TRAPPC9: variants seen among roughly 807,000 people sequenced by gnomAD.
TRAPPC9 encodes IKK2 binding protein.
A neutral mutation model predicts 124.0 loss-of-function variants in TRAPPC9; 83 were observed. The observed-to-expected ratio is 0.67, with a 90% CI of 0.56 to 0.80. The LOEUF (loss-of-function observed/expected upper bound fraction) is 0.80, where lower values mean the gene tolerates loss of function less well. Among genes scored for constraint, TRAPPC9 ranks in the 30% least tolerant of loss-of-function variants. TRAPPC9 has a pLI of 0.00. For missense variants in TRAPPC9, 1,302 were observed against 1,508.3 expected (o/e 0.86, Z 2.27); for synonymous variants, 638 against 617.5 (o/e 1.03, Z -0.49).
At chr8:139,747,247 T>G (rs1041223263) in intron 21 of TRAPPC9, among the ~76,000 whole-genome samples, 1 of 152,118 alleles carries the variant, frequency 6.6e-6, no homozygotes, top group African/African-American at 2.4e-5. Flanking sequence ...CATCACACAA[T>G]GCCAACCCAG....
chr8:139,984,119 G>A lies in TRAPPC9; in HGVS notation c.2810+4607C>T, dbSNP rs971477767. Among the ~76,000 whole-genome samples, 4 of 152,144 alleles carry A rather than the reference G, an allele frequency of 2.6e-5. No homozygotes were observed. The highest frequency in any genetic ancestry group is 9.7e-5 in the African/African-American group (4 of 41,440). On this transcript the variant is annotated intron_variant, in intron 19 of 22. Coordinates refer to ENST00000438773, the MANE Select transcript of TRAPPC9 (RefSeq NM_001160372.4). The surrounding 1 kb of genome is among the most constrained non-coding windows in gnomAD (Gnocchi z 4.3). ...TACTAGGAGGGAGGAGAGGCGGCAG[G>A]CACCACAATTATCTAACTGGGGTTG...
chr8:139,786,891 AG>A lies in TRAPPC9; in HGVS notation c.3056-54690del, dbSNP rs533035722. On this transcript the variant is annotated intron_variant, in intron 21 of 22. Coordinates refer to ENST00000438773, the MANE Select transcript of TRAPPC9 (RefSeq NM_001160372.4). ...GTCAGTGATCGGAGGGGAAGGTGTC[AG>A]GGAGGGTCAGAAAGGAGCAGGAGGG... Among the ~76,000 whole-genome samples, 26 of 152,328 alleles carry A rather than the reference AG, an allele frequency of 1.7e-4. No individual in the cohort carries two copies. In the East Asian group the frequency reaches 5.0e-3, roughly 29 times the overall value.
At chr8:140,156,196 C>T (rs535970574) in intron 17 of TRAPPC9, among the ~76,000 whole-genome samples, 88 of 152,364 alleles carry the variant, frequency 5.8e-4, no homozygotes, top group African/African-American at 2.1e-3. Flanking sequence ...CCACCTGCTT[C>T]GTGTAGCCTA....
chr8:140,433,614 A>C (rs1308022960), intron 4 of TRAPPC9, among the ~76,000 whole-genome samples: 1 of 152,118 alleles, frequency 6.6e-6, no homozygotes, highest in Non-Finnish European at 1.5e-5. Flanking sequence ...ACAACAACAA[A>C]AACACACATA....
chr8:140,124,730 C>CCTCCGAGGGGAGGACG (rs879415757), intron 17 of TRAPPC9, among the ~76,000 whole-genome samples: 4,013 of 152,024 alleles, frequency 0.026, 171 homozygotes, highest in African/African-American at 0.09. Flanking sequence ...AGGGGAGGAC[C>CCTCCGAGGGGAGGACG]AAAATCACTC....
intron 19 of TRAPPC9, among the ~76,000 whole-genome samples, chr8:139,976,372 T>C (rs2319587): frequency 0.097 from 14,706 of 152,216 alleles, 1,197 homozygotes; most frequent in African/African-American, 0.23. Flanking sequence ...CCATGGATTA[T>C]GCAGAGGCTT....
At chr8:139,755,510 A>C (rs1819672533) in intron 21 of TRAPPC9, among the ~76,000 whole-genome samples, 2 of 138,060 alleles carry the variant, frequency 1.4e-5, no homozygotes, top group South Asian at 2.5e-4. Context: ...GTATAAGGAC[A>C]GCAGGTCGCA....
At chr8:140,091,195 T>G (rs1310188699) in intron 17 of TRAPPC9, among the ~76,000 whole-genome samples, 1 of 152,186 alleles carries the variant, frequency 6.6e-6, no homozygotes, top group Non-Finnish European at 1.5e-5. Context: ...GCCCCATGCA[T>G]GTCGCTGCAG....
At chr8:139,998,272 AGTC>A (rs1350145018) in intron 18 of TRAPPC9, among the ~76,000 whole-genome samples, 4 of 152,258 alleles carry the variant, frequency 2.6e-5, no homozygotes, top group Non-Finnish European at 4.4e-5. Context: ...TAAGAATCTC[AGTC>A]ATCAGTAGAA....
At chr8:140,129,853 G>A (rs1281959703) in intron 17 of TRAPPC9, among the ~76,000 whole-genome samples, 2 of 152,216 alleles carry the variant, frequency 1.3e-5, no homozygotes, top group Non-Finnish European at 2.9e-5. Flanking sequence ...GTAAATGCAC[G>A]TGTACGCATG....
chr8:139,771,868 AGCCTGACTCAGT>A (rs1302835297), intron 21 of TRAPPC9, among the ~76,000 whole-genome samples: 13 of 152,192 alleles, frequency 8.5e-5, no homozygotes, highest in Admixed American at 6.5e-5. Flanking sequence ...ACAACACAGG[AGCCTGACTCAGT>A]GCCCACAGCC....
In TRAPPC9 at chr8:139,984,692, T is replaced by A. The variant is rs1487748764; in HGVS notation, c.2810+4034A>T. ...CCCCTCCACGGAGGCCGAGTGTGCA[T>A]CTGACCCACAGGAGGCCGGTGAGGC... On this transcript the variant is annotated intron_variant, in intron 19 of 22. Transcript: ENST00000438773. The surrounding 1 kb of genome is among the most constrained non-coding windows in gnomAD (Gnocchi z 4.3). 6.6e-6 allele frequency among the ~76,000 whole-genome samples: 1 copy of A among 152,034 alleles called. No individual in the cohort carries two copies. The highest frequency in any genetic ancestry group is 1.5e-5 in the Non-Finnish European group (1 of 67,998).
intron 17 of TRAPPC9, among the ~76,000 whole-genome samples, chr8:140,138,031 T>G (rs1382896268): frequency 6.6e-6 from 1 of 152,238 alleles, no homozygotes; most frequent in Non-Finnish European, 1.5e-5. Flanking sequence ...CCGGGTGCAC[T>G]GGCTCACGCC....
At position 139,991,592 on chromosome 8, in the gene TRAPPC9, T is replaced by G. The variant is rs957219855; in HGVS notation, c.2700-2756A>C. 3.2e-3 allele frequency among the ~76,000 whole-genome samples: 485 copies of G among 151,936 alleles called. 4 individuals carry two copies. The highest frequency in any genetic ancestry group is 0.011 in the African/African-American group (457 of 41,528). ...TCTTGTTTGCTTTTTGGGTTTGTTT[T>G]TTTTTTTTTCTGGACACATCTGTCT... is the stretch of plus-strand genomic sequence containing the variant. On this transcript the variant is annotated intron_variant, in intron 18 of 22. Coordinates refer to ENST00000438773, the MANE Select transcript of TRAPPC9 (RefSeq NM_001160372.4).
chr8:140,183,144 C>A (rs1439911195), intron 17 of TRAPPC9, among the ~76,000 whole-genome samples: 1 of 152,156 alleles, frequency 6.6e-6, no homozygotes, highest in African/African-American at 2.4e-5. Flanking sequence ...ATTCTTTAAT[C>A]CAAGAAACAT....
chr8:140,129,447 C>T (rs79176617), intron 17 of TRAPPC9, among the ~76,000 whole-genome samples: 15 of 152,190 alleles, frequency 9.9e-5, no homozygotes, highest in African/African-American at 3.4e-4. Flanking sequence ...GGAGAAGAAG[C>T]GATCCCAGGG....
intron 21 of TRAPPC9, among the ~76,000 whole-genome samples, chr8:139,879,166 T>A (rs1829525092): frequency 6.6e-6 from 1 of 152,088 alleles, no homozygotes; most frequent in African/African-American, 2.4e-5. Flanking sequence ...GCAGCCTTAG[T>A]TCATCCTTGG....
intron 21 of TRAPPC9, among the ~76,000 whole-genome samples, chr8:139,762,540 C>A (rs185201603): frequency 6.6e-6 from 1 of 152,102 alleles, no homozygotes. Flanking sequence ...CTGTAGACAA[C>A]GGCAACACAA....
At chr8:140,365,235 T>C (rs1392284509) in intron 8 of TRAPPC9, among the ~76,000 whole-genome samples, 1 of 152,042 alleles carries the variant, frequency 6.6e-6, no homozygotes. Flanking sequence ...GTGGCCCACT[T>C]ACAGATGAGA....
Sources: gnomAD v4.1 joint callset for allele counts (sites outside exome capture counted in the v4.1 genomes callset) on GRCh38, gnomAD v4.1.1 for gene constraint, Gnocchi (gnomAD v3.1) non-coding constraint, MANE v1.5 for transcripts, NCBI Gene and HGNC (gene_info 2026-07-23, HGNC 2026-07-21) for gene names.